Variants in GRIN2B observed in about 807,000 individuals in gnomAD.
GRIN2B encodes glutamate ionotropic receptor NMDA type subunit 2B.
Under a neutral mutation model 114.5 loss-of-function variants are expected in GRIN2B, and 5 were observed. The observed-to-expected ratio is 0.04, with a 90% CI of 0.02 to 0.09. GRIN2B has a LOEUF of 0.09. GRIN2B is among the 10% of genes least tolerant of loss of function. GRIN2B has a pLI of 1.00. For synonymous variants in GRIN2B, 787 were observed against 745.1 expected, an observed-to-expected ratio of 1.06 and a Z score of -0.92; for missense variants, 1,108 against 1,943.5, an observed-to-expected ratio of 0.57 and a Z score of 8.08.
At chr12:13,863,376 G>C (rs1865778328) in intron 3 of GRIN2B, among the ~76,000 whole-genome samples, 1 of 152,216 alleles carries the variant, frequency 6.6e-6, no homozygotes, top group African/African-American at 2.4e-5. Context: ...AAGGGAGAAA[G>C]TGAAGGGTAG....
rs541127484 is a variant in GRIN2B, at chr12:13,855,224, GAAAAGAGAC to G, written c.411+10565_411+10573del. Among the ~76,000 whole-genome samples, 562 of 151,948 alleles carry G rather than the reference GAAAAGAGAC, an allele frequency of 3.7e-3. 2 individuals carry two copies. The highest frequency in any genetic ancestry group is 6.3e-3 in the Non-Finnish European group (427 of 67,938). ...CAGAATGAGACCCTGTTGAAAGAAA[GAAAAGAGAC>G]AAAAGAGAGAAAAGAGAGACAGAGA... is the stretch of plus-strand genomic sequence containing the variant. On this transcript the variant is annotated intron_variant, in intron 3 of 13. Transcript: ENST00000609686.
Position 13,608,593 on chromosome 12 carries a change from A to G in GRIN2B, c.2010+10T>C. On this transcript the variant is annotated intron_variant, in intron 10 of 13. Transcript: ENST00000609686. ...AGGGAAAGACGGGAGATTTCAAATG[A>G]GTCTCTTACCTTTTTGTCGCTCAGG... 1 of 1,578,768 alleles carries G rather than the reference A, an allele frequency of 6.3e-7. No homozygotes were observed. Among genetic ancestry groups the G allele is most frequent in the Non-Finnish European group, 8.7e-7 (1 of 1,147,950 alleles).
intron 3 of GRIN2B, among the ~76,000 whole-genome samples, chr12:13,773,889 A>G (rs369097403): frequency 6.6e-6 from 1 of 152,104 alleles, no homozygotes; most frequent in South Asian, 2.1e-4. Flanking sequence ...AGACATACAC[A>G]CCCTAGAACA....
At position 13,655,797 on chromosome 12, in the gene GRIN2B, A is replaced by T. The variant is rs538425801; in HGVS notation, c.1125+19948T>A. ...CTATAAATACTGACATACTGTAGAC[A>T]TATTATAGTGTTAGCTATTACTAAC... On this transcript the variant is annotated intron_variant, in intron 5 of 13. Coordinates refer to ENST00000609686, the MANE Select transcript of GRIN2B (RefSeq NM_000834.5). Among the ~76,000 whole-genome samples the T allele has an allele frequency of 2.6e-5, 4 of 152,326 alleles. No homozygotes were observed. The South Asian group carries it at 8.3e-4, about 32-fold the overall frequency.
At chr12:13,645,693 C>T (rs1034607632) in intron 5 of GRIN2B, among the ~76,000 whole-genome samples, 1 of 151,582 alleles carries the variant, frequency 6.6e-6, no homozygotes, top group Admixed American at 6.6e-5. Context: ...TCTCTCCAAA[C>T]CCTAGTTTTT....
rs1219213252 is a variant in GRIN2B, at chr12:13,544,972, C to A, written c.*17811G>T. The A allele has an allele frequency of 6.6e-6, 1 of 152,378 alleles. No homozygotes were observed. Among genetic ancestry groups the A allele is most frequent in the Non-Finnish European group, 1.5e-5 (1 of 68,184 alleles). The allele number at this position is 152,378 out of a possible 1,614,324, so 9.4% of individuals were successfully genotyped here. ...TATGCTCCGAACCTTCTAGCAACTT[C>A]TCATCTTGCTCTTGGTAAAAGCCAA... On this transcript the variant is annotated 3_prime_UTR_variant, in exon 14 of 14. Coordinates refer to ENST00000609686, the MANE Select transcript of GRIN2B (RefSeq NM_000834.5).
chr12:13,577,519 C>T (rs990518299), intron 10 of GRIN2B, among the ~76,000 whole-genome samples: 13 of 152,018 alleles, frequency 8.6e-5, no homozygotes, highest in South Asian at 2.1e-4. Flanking sequence ...GCCACCTCCC[C>T]GCTAGAGAGC....
intron 2 of GRIN2B, among the ~76,000 whole-genome samples, chr12:13,894,446 T>C (rs1866321031): frequency 6.6e-6 from 1 of 152,172 alleles, no homozygotes; most frequent in Non-Finnish European, 1.5e-5. Context: ...GAAAAATCTG[T>C]ATGCTGTGAT....
In GRIN2B at chr12:13,753,639, G is replaced by T; in HGVS notation, c.688C>A (p.Leu230Ile). 1 of 1,614,212 alleles carries T rather than the reference G, an allele frequency of 6.2e-7. No individual in the cohort carries two copies. ...LKKLQSPIIL[L>I]YCTKEEATYI... is the part of the protein sequence containing the mutation. ...GTGGCTTCTTCCTTGGTACAGTAAA[G>T]AAGAATGATGGGGCTTTGAAGTTTC... Residue 230 changes from leucine to isoleucine, a missense_variant, in exon 4 of 14, where the codon CTT (leucine) becomes ATT (isoleucine). By Grantham distance (5) the Leu-to-Ile change is conservative (BLOSUM62 2). Coordinates refer to ENST00000609686, the MANE Select transcript of GRIN2B (RefSeq NM_000834.5). This position sits in a 1 kb window ranked among gnomAD's most constrained non-coding sequence, Gnocchi z 6.2.
intron 11 of GRIN2B, among the ~76,000 whole-genome samples, chr12:13,571,161 G>A (rs913367960): frequency 5.3e-5 from 8 of 152,094 alleles, no homozygotes; most frequent in African/African-American, 1.7e-4. Flanking sequence ...AATCAGCTAC[G>A]AGACCCCTTG....
At chr12:13,799,107 C>T (rs1864463666) in intron 3 of GRIN2B, among the ~76,000 whole-genome samples, 1 of 152,142 alleles carries the variant, frequency 6.6e-6, no homozygotes, top group Admixed American at 6.6e-5. Context: ...GAGCAACCAC[C>T]CATTGCATCC....
chr12:13,639,434 C>A (rs775495015), intron 5 of GRIN2B, among the ~76,000 whole-genome samples: 3 of 152,144 alleles, frequency 2.0e-5, no homozygotes, highest in Non-Finnish European at 2.9e-5. Context: ...GTGTTAATAG[C>A]TTTTTCATAC....
chr12:13,835,880 T>A, intron 3 of GRIN2B, among the ~76,000 whole-genome samples: 1 of 150,488 alleles, frequency 6.6e-6, no homozygotes, highest in East Asian at 1.9e-4. Flanking sequence ...CAGCCAGGCA[T>A]GCCTTTAAAC....
intron 4 of GRIN2B, among the ~76,000 whole-genome samples, chr12:13,708,457 A>G (rs1950382386): frequency 1.3e-5 from 2 of 152,090 alleles, no homozygotes; most frequent in Admixed American, 6.6e-5. Flanking sequence ...ATTAAAATAG[A>G]GGTGGACTAT....
chr12:13,961,216 G>A (rs906128313), intron 2 of GRIN2B, among the ~76,000 whole-genome samples: 1 of 152,112 alleles, frequency 6.6e-6, no homozygotes, highest in African/African-American at 2.4e-5. Context: ...GGGAGGGAAG[G>A]AAGGGAAGCA....
At chr12:13,782,636 T>C (rs76352865) in intron 3 of GRIN2B, among the ~76,000 whole-genome samples, 3,320 of 152,326 alleles carry the variant, frequency 0.022, 114 homozygotes, top group African/African-American at 0.075. Flanking sequence ...ATGAGACATG[T>C]TTCTTGCAGA....
chr12:13,863,828 C>T (rs1175751426), intron 3 of GRIN2B, among the ~76,000 whole-genome samples: 1 of 152,004 alleles, frequency 6.6e-6, no homozygotes, highest in Non-Finnish European at 1.5e-5. Flanking sequence ...GCACAACAGC[C>T]CACATGAGAA....
At chr12:13,722,517 G>A (rs1308149654) in intron 4 of GRIN2B, among the ~76,000 whole-genome samples, 1 of 152,048 alleles carries the variant, frequency 6.6e-6, no homozygotes, top group African/African-American at 2.4e-5. Flanking sequence ...ACCGATGCAG[G>A]TAAGCTGGTA....
chr12:13,958,723 G>T (rs536509074), intron 2 of GRIN2B, among the ~76,000 whole-genome samples: 1 of 152,018 alleles, frequency 6.6e-6, no homozygotes, highest in African/African-American at 2.4e-5. Flanking sequence ...CCTCCTCCAT[G>T]TTCTCCTTCT....
Sources: gnomAD v4.1 joint callset for allele counts (sites outside exome capture counted in the v4.1 genomes callset) on GRCh38, gnomAD v4.1.1 for gene constraint, Gnocchi (gnomAD v3.1) non-coding constraint, MANE v1.5 for transcripts, NCBI Gene and HGNC (gene_info 2026-07-23, HGNC 2026-07-21) for gene names.